The following MYO19 variants were observed in gnomAD, a reference collection of about 807,000 sequenced individuals.
The protein encoded by MYO19 is myosin XIX.
Under a neutral mutation model 129.2 loss-of-function variants are expected in MYO19, and 132 were observed. The ratio of observed to expected loss-of-function variants is 1.02; its 90% CI spans 0.89 to 1.18. MYO19 has a LOEUF of 1.18. Ranked by LOEUF, MYO19 falls within the 50% of genes most tolerant of loss-of-function variation. The pLI is 0.00. For missense variants in MYO19, 1,210 were observed against 1,216.7 expected (o/e 0.99, Z 0.08); for synonymous variants, 531 against 477.2 (o/e 1.11, Z -1.47).
At position 36,527,594 on chromosome 17, in the gene MYO19, G is replaced by T; in HGVS notation, c.257C>A (p.Ser86Ter). The T allele has an allele frequency of 8.1e-6, 13 of 1,613,994 alleles. No homozygotes were observed. Among genetic ancestry groups the T allele is most frequent in the Non-Finnish European group, 1.1e-5 (13 of 1,179,890 alleles). Residue 86 changes from serine (S) to a stop codon, truncating the protein, a stop_gained, in exon 5 of 26, where the codon TCG becomes TAG. Coordinates refer to ENST00000614623, the MANE Select transcript of MYO19 (RefSeq NM_001163735.2). LOFTEE classifies it high-confidence loss of function. ...ATGGTACTCTCTCATTAGCTCGGGC[G>T]AGTAGAGCTGAGGAACAGGCTTGAA... ...NPFKPVPQLY[S>*]PELMREYHAA... is the part of the protein sequence containing the mutation.
chr17:36,503,032 G>T, intron 21 of MYO19, 65 bp downstream of exon 21: 1 of 1,385,966 alleles, frequency 7.2e-7, no homozygotes, highest in Non-Finnish European at 1.0e-6. Flanking sequence ...CCCTAAGACA[G>T]GGCACAGGGT....
intron 21 of MYO19, 30 bp from the exon 22 acceptor site, chr17:36,501,265 A>G: frequency 1.3e-6 from 2 of 1,591,638 alleles, no homozygotes; most frequent in Non-Finnish European, 1.7e-6. Flanking sequence ...CCATCAGTGC[A>G]TGGTCATCTC....
At position 36,514,549 on chromosome 17, in the gene MYO19, C is replaced by CT. The variant is rs763091931; in HGVS notation, c.618-2dup. The CT allele has an allele frequency of 2.5e-6, 4 of 1,600,706 alleles. No homozygotes were observed. The highest frequency in any genetic ancestry group is 3.4e-6 in the Non-Finnish European group (4 of 1,167,802). ...TGCGGCTCCAGTCATTTGCTGAGCCCTGGGACACACACAGGCCAGAGCCCG... is the reference window on the plus strand; with the variant it reads ...TGCGGCTCCAGTCATTTGCTGAGCCCTTGGGACACACACAGGCCAGAGCCCG... On this transcript the variant is annotated splice_acceptor_variant, in intron 8 of 25. Coordinates refer to ENST00000614623, the MANE Select transcript of MYO19 (RefSeq NM_001163735.2). LOFTEE classifies it high-confidence loss of function.
Position 36,495,677 on chromosome 17 carries a change from CAT to C in MYO19, c.*572_*573del. 1 of 1,270,270 alleles carries C rather than the reference CAT, an allele frequency of 7.9e-7. No individual in the cohort carries two copies. Among genetic ancestry groups the C allele is most frequent in the African/African-American group, 1.5e-5 (1 of 65,430 alleles). 78.7% of individuals were successfully genotyped at this position (1,270,270 alleles called of 1,614,324 possible). A position where few individuals can be genotyped will look rare whatever the true frequency, so the allele number is the denominator to read the frequency against. ...TACTTTTGGTACAGTTGATAGACAT[CAT>C]AAACGATATCAAGCTTACACTTCAT... On this transcript the variant is annotated 3_prime_UTR_variant, in exon 26 of 26. Coordinates refer to ENST00000614623, the MANE Select transcript of MYO19 (RefSeq NM_001163735.2).
upstream of MYO19, among the ~76,000 whole-genome samples, chr17:36,544,631 TG>T (rs1008576210): frequency 6.6e-6 from 1 of 152,178 alleles, no homozygotes; most frequent in African/African-American, 2.4e-5. Flanking sequence ...TCGAGGGGCT[TG>T]CCCCTCGTCC....
chr17:36,528,768 T>C (rs956821477), intron 3 of MYO19, among the ~76,000 whole-genome samples: 7 of 152,096 alleles, frequency 4.6e-5, no homozygotes, highest in Non-Finnish European at 8.8e-5. Flanking sequence ...AGAAGAGATA[T>C]ACAAAGCATT....
At chr17:36,507,183 C>A in intron 16 of MYO19, 44 bp from the exon 17 acceptor site, 1 of 1,575,954 alleles carries the variant, frequency 6.3e-7, no homozygotes, top group Non-Finnish European at 8.6e-7. Context: ...ATGAGAGTGT[C>A]TCACCACAAC....
chr17:36,537,794 G>C (rs1378326495), upstream of MYO19: 3 of 1,614,136 alleles, frequency 1.9e-6, no homozygotes, highest in East Asian at 6.7e-5. Flanking sequence ...ATTTAACAGA[G>C]TATGGAGTTC....
chr17:36,496,443 T>G lies in MYO19; in HGVS notation c.2758-37A>C, dbSNP rs928611163. ...AGAGAGATGCAGCTTTAGCACTAGT[T>G]CCTGGGAGTGCCAGGGCCTAACAAC... On this transcript the variant is annotated intron_variant, in intron 25 of 25. Transcript: ENST00000614623. 1.4e-5 allele frequency: 22 copies of G among 1,608,158 alleles called. No individual in the cohort carries two copies. In the African/African-American group the frequency reaches 2.9e-4, roughly 21 times the overall value.
At chr17:36,513,132 T>A (rs2072481580) in intron 11 of MYO19, 7 of 1,381,086 alleles carry the variant, frequency 5.1e-6, no homozygotes, top group Non-Finnish European at 5.6e-6. Context: ...AGCAAGGCGG[T>A]AGCACTAGTT....
intron 6 of MYO19, among the ~76,000 whole-genome samples, chr17:36,518,513 A>T (rs2072913996): frequency 2.6e-5 from 2 of 76,742 alleles, no homozygotes; most frequent in African/African-American, 1.1e-4. Context: ...AAAAAAAAAA[A>T]AAAAAAAAAA....
upstream of MYO19, chr17:36,539,250 T>C (rs932043143): frequency 1.2e-5 from 2 of 167,100 alleles, no homozygotes; most frequent in African/African-American, 4.8e-5. Context: ...TTACTGTATA[T>C]TGCTTTTACA....
chr17:36,511,117 A>T (rs2072293546), intron 12 of MYO19, 200 bp from the exon 13 acceptor site: 1 of 677,674 alleles, frequency 1.5e-6, no homozygotes, highest in Non-Finnish European at 2.5e-6. Flanking sequence ...GTACCAGTCC[A>T]TGCTGCCATG....
chr17:36,507,368 T>C, intron 16 of MYO19, 31 bp downstream of exon 16: 1 of 1,596,002 alleles, frequency 6.3e-7, no homozygotes. Context: ...AGGCCAACTC[T>C]GGTGCTCGGC....
At chr17:36,540,519 C>T (rs1448505516) in intron 2 of MYO19, among the ~76,000 whole-genome samples, 4 of 152,022 alleles carry the variant, frequency 2.6e-5, no homozygotes, top group Non-Finnish European at 5.9e-5. Flanking sequence ...TACAGGCACA[C>T]GCCACTTCGC....
intron 25 of MYO19, among the ~76,000 whole-genome samples, chr17:36,497,334 A>C (rs1331033628): frequency 6.7e-5 from 10 of 150,246 alleles, no homozygotes; most frequent in East Asian, 1.9e-4. Flanking sequence ...AAAAAAAAAA[A>C]CCCACAGAGA....
Position 36,514,551 on chromosome 17 carries a change from G to A in MYO19, c.618-3C>T, listed in dbSNP as rs371369319. The A allele has an allele frequency of 3.0e-5, 48 of 1,600,118 alleles. No individual in the cohort carries two copies. Among genetic ancestry groups the A allele is most frequent in the East Asian group, 2.0e-4 (9 of 44,808 alleles). On this transcript the variant is annotated splice_polypyrimidine_tract_variant and splice_region_variant and intron_variant, in intron 8 of 25. Coordinates refer to ENST00000614623, the MANE Select transcript of MYO19 (RefSeq NM_001163735.2). ...CGGCTCCAGTCATTTGCTGAGCCCTGGGACACACACAGGCCAGAGCCCGTT... is the reference window on the plus strand; with the variant it reads ...CGGCTCCAGTCATTTGCTGAGCCCTAGGACACACACAGGCCAGAGCCCGTT...
chr17:36,539,268 T>C (rs1435915770), upstream of MYO19: 1 of 167,064 alleles, frequency 6.0e-6, no homozygotes, highest in Non-Finnish European at 1.5e-5. Flanking sequence ...ACAATAAATA[T>C]AAAATGAAAT....
Position 36,540,121 on chromosome 17 carries a change from G to T in MYO19, n.395+1960C>A, listed in dbSNP as rs917992833. ...GAGAGGCAGGCAGGGGCCACATCAG[G>T]CATCCTCACCTACCATGCTAAGGGA... On this transcript the variant is annotated intron_variant and non_coding_transcript_variant, in intron 2 of 2. Transcript: ENST00000610496. Among the ~76,000 whole-genome samples the T allele has an allele frequency of 8.5e-5, 13 of 152,200 alleles. 1 individual carries two copies. The South Asian group carries it at 2.5e-3, about 29-fold the overall frequency.
Sources: allele counts gnomAD v4.1 joint callset (sites outside exome capture counted in the v4.1 genomes callset), GRCh38; gene constraint gnomAD v4.1.1; transcripts MANE v1.5; gene names NCBI Gene and HGNC (gene_info 2026-07-23, HGNC 2026-07-21).